Variants in KCNAB1 observed in about 807,000 individuals in gnomAD.
The protein encoded by KCNAB1 is potassium voltage-gated channel subfamily A regulatory beta subunit 1, also known as voltage-gated potassium channel subunit beta-1.
KCNAB1 carries 35 observed loss-of-function variants against 64.6 expected under a neutral mutation model. The observed-to-expected ratio is 0.54, with a 90% CI of 0.41 to 0.72. KCNAB1 has a LOEUF of 0.72. Among genes scored for constraint, KCNAB1 ranks in the 30% least tolerant of loss-of-function variants. The pLI is 0.00. For missense variants in KCNAB1, 401 were observed against 512.9 expected (o/e 0.78, Z 2.11); for synonymous variants, 177 against 183.8 (o/e 0.96, Z 0.30).
At chr3:156,536,401 T>G in intron 13 of KCNAB1, 1 of 339,550 alleles carries the variant, frequency 2.9e-6, no homozygotes, top group Non-Finnish European at 5.3e-6. Context: ...TTGCATTATA[T>G]TTCTGTTGGA....
rs141724095 is a variant in KCNAB1 at position 156,423,630 on chromosome 3, G to A, written c.319+1971G>A. On this transcript the variant is annotated intron_variant, in intron 2 of 13. Transcript: ENST00000490337. ...TAAGATCAGTATGATTAAATTTGAA[G>A]TGAGACCATGTCCATAGTTATGTGT... 3.3e-3 allele frequency among the ~76,000 whole-genome samples: 502 copies of A among 152,286 alleles called. 1 individual carries two copies. The highest frequency in any genetic ancestry group is 6.1e-3 in the Non-Finnish European group (416 of 68,022).
chr3:156,232,541 C>G (rs1284210540), intron 1 of KCNAB1, among the ~76,000 whole-genome samples: 1 of 152,346 alleles, frequency 6.6e-6, no homozygotes, highest in East Asian at 1.9e-4. Flanking sequence ...GCCAAGAGGG[C>G]AAGGATATGG....
chr3:156,525,415 A>T (rs1718245398), intron 12 of KCNAB1, among the ~76,000 whole-genome samples: 1 of 152,250 alleles, frequency 6.6e-6, no homozygotes, highest in African/African-American at 2.4e-5. Context: ...AAAAATAGAA[A>T]AAAAGCTTAT....
At chr3:156,245,684 C>T (rs751922506) in intron 1 of KCNAB1, among the ~76,000 whole-genome samples, 6 of 152,242 alleles carry the variant, frequency 3.9e-5, no homozygotes, top group Admixed American at 6.5e-5. Flanking sequence ...GGAAACGTAA[C>T]GAAAAGTATC....
intron 1 of KCNAB1, among the ~76,000 whole-genome samples, chr3:156,231,841 T>C (rs569552246): frequency 7.2e-5 from 11 of 152,182 alleles, no homozygotes; most frequent in Non-Finnish European, 1.2e-4. Flanking sequence ...CTGAAACAAA[T>C]CAATGTATTT....
At chr3:156,524,474 A>G (rs1012467524) in intron 12 of KCNAB1, among the ~76,000 whole-genome samples, 7 of 152,294 alleles carry the variant, frequency 4.6e-5, no homozygotes, top group East Asian at 1.9e-4. Flanking sequence ...GCGGCTGGGC[A>G]CGGTGGCTCA....
rs960971951 is a variant in KCNAB1 at position 156,395,402 on chromosome 3, G to A, written c.276-26214G>A. On this transcript the variant is annotated intron_variant, in intron 1 of 13. Coordinates refer to ENST00000490337, the MANE Select transcript of KCNAB1 (RefSeq NM_172160.3). ...CTACTAAAAATACAAAAAATTAGCC[G>A]GGCGTAGTGGCGGGCGCCTGTAGTC... Among the ~76,000 whole-genome samples, 31 of 149,754 alleles carry A rather than the reference G, an allele frequency of 2.1e-4. 1 individual carries two copies. The highest frequency in any genetic ancestry group is 6.7e-4 in the African/African-American group (27 of 40,542).
chr3:156,145,357 C>A (rs1195621212), intron 1 of KCNAB1, among the ~76,000 whole-genome samples: 3 of 152,168 alleles, frequency 2.0e-5, no homozygotes. Context: ...GTCCTTAGTG[C>A]TCTGTTTATT....
In KCNAB1 at chr3:156,470,394, G is replaced by A. The variant is rs543346769; in HGVS notation, c.572-4340G>A. On this transcript the variant is annotated intron_variant, in intron 7 of 13. Coordinates refer to ENST00000490337, the MANE Select transcript of KCNAB1 (RefSeq NM_172160.3). ...GTACTGGCTGGGCATGGTGGCTTAT[G>A]CCTGTAATCCCAACGATTTGGGAGG... Among the ~76,000 whole-genome samples, 22 of 152,322 alleles carry A rather than the reference G, an allele frequency of 1.4e-4. No individual in the cohort carries two copies. In the East Asian group the frequency reaches 2.9e-3, roughly 20 times the overall value.
intron 8 of KCNAB1, among the ~76,000 whole-genome samples, chr3:156,504,018 C>A (rs1259294445): frequency 2.0e-5 from 3 of 152,162 alleles, no homozygotes; most frequent in Non-Finnish European, 4.4e-5. Context: ...TCCTATCTGG[C>A]AGTAATATTG....
At chr3:156,214,519 A>G (rs183754791) in intron 1 of KCNAB1, among the ~76,000 whole-genome samples, 1 of 152,170 alleles carries the variant, frequency 6.6e-6, no homozygotes, top group Non-Finnish European at 1.5e-5. Context: ...AAAAATGGAA[A>G]GACTCATAAA....
intron 1 of KCNAB1, among the ~76,000 whole-genome samples, chr3:156,397,975 C>G (rs1240990513): frequency 6.6e-6 from 1 of 152,088 alleles, no homozygotes; most frequent in Admixed American, 6.6e-5. Context: ...CATTGTGTGC[C>G]TTAATCAGGA....
chr3:156,294,811 A>G (rs2107974810), intron 1 of KCNAB1, among the ~76,000 whole-genome samples: 1 of 152,312 alleles, frequency 6.6e-6, no homozygotes, highest in Non-Finnish European at 1.5e-5. Context: ...AGATTTTTTA[A>G]AAAGTCTTTT....
intron 1 of KCNAB1, among the ~76,000 whole-genome samples, chr3:156,202,036 G>T (rs780725327): frequency 6.6e-6 from 1 of 152,142 alleles, no homozygotes; most frequent in Non-Finnish European, 1.5e-5. Context: ...TGGCAAGACT[G>T]CCCTGCAGAG....
chr3:156,234,812 T>C (rs1716755591), intron 1 of KCNAB1, among the ~76,000 whole-genome samples: 1 of 152,116 alleles, frequency 6.6e-6, no homozygotes, highest in Non-Finnish European at 1.5e-5. Flanking sequence ...AGTTAATGTT[T>C]CTCCCTGAAA....
intron 7 of KCNAB1, among the ~76,000 whole-genome samples, chr3:156,466,143 C>T (rs1261719311): frequency 6.6e-6 from 1 of 152,122 alleles, no homozygotes; most frequent in East Asian, 1.9e-4. Context: ...CACCTCCTCA[C>T]CCCCTCCCAC....
intron 1 of KCNAB1, among the ~76,000 whole-genome samples, chr3:156,365,570 G>GCA (rs983820430): frequency 2.0e-5 from 3 of 152,114 alleles, no homozygotes; most frequent in African/African-American, 7.2e-5. Context: ...CATGGTGATT[G>GCA]CACGCTTTCA....
In KCNAB1 at chr3:156,164,718, T is replaced by C. The variant is rs548419923; in HGVS notation, c.275+43832T>C. ...CTGGTCCGGGCCTCGGTACCAGTGA[T>C]GGAGATCTAGGGCTCAGGACTCTTT... is the stretch of plus-strand genomic sequence containing the variant. On this transcript the variant is annotated intron_variant, in intron 1 of 13. Transcript: ENST00000490337. Among the ~76,000 whole-genome samples the C allele has an allele frequency of 2.6e-5, 4 of 152,322 alleles. No homozygotes were observed. In the East Asian group the frequency reaches 7.7e-4, roughly 29 times the overall value.
chr3:156,178,776 C>A, intron 1 of KCNAB1, among the ~76,000 whole-genome samples: 1 of 151,904 alleles, frequency 6.6e-6, no homozygotes, highest in South Asian at 2.1e-4. Flanking sequence ...CCGAGACGGG[C>A]GGATCACGAG....
Sources: allele counts gnomAD v4.1 joint callset (sites outside exome capture counted in the v4.1 genomes callset), GRCh38; gene constraint gnomAD v4.1.1; transcripts MANE v1.5; gene names NCBI Gene and HGNC (gene_info 2026-07-23, HGNC 2026-07-21).